MAST4: variants seen among roughly 807,000 people sequenced by gnomAD.
The protein encoded by MAST4 is microtubule associated serine/threonine kinase family member 4, also known as microtubule-associated serine/threonine-protein kinase 4.
MAST4 carries 89 observed loss-of-function variants against 162.7 expected under a neutral mutation model. That is an observed-to-expected ratio of 0.55 (90% CI 0.46 to 0.65). MAST4 has a LOEUF of 0.65. Ranked by LOEUF, MAST4 falls within the 30% of genes least tolerant of loss-of-function variation. The probability of loss-of-function intolerance (pLI) is 0.00; values close to 1 mark genes in which losing one functional copy is unlikely to be tolerated. For missense variants in MAST4, 3,153 were observed against 3,374.0 expected (o/e 0.93, Z 1.62); for synonymous variants, 1,479 against 1,361.1 (o/e 1.09, Z -1.91).
At chr5:66,599,025 A>G (rs1742383270) in intron 1 of MAST4, among the ~76,000 whole-genome samples, 1 of 152,228 alleles carries the variant, frequency 6.6e-6, no homozygotes, top group African/African-American at 2.4e-5. Context: ...GTGTAAACTG[A>G]TACAGTATTG....
Position 66,975,913 on chromosome 5 carries a change from T to G in MAST4, c.674+75931T>G, listed in dbSNP as rs548382871. ...AGGAGACTGAGGCATGAAAATTGCT[T>G]GAACCCAGGAGGCAGATGAGGTTGC... On this transcript the variant is annotated intron_variant, in intron 4 of 28. Transcript: ENST00000403625. 5.9e-5 allele frequency among the ~76,000 whole-genome samples: 9 copies of G among 152,214 alleles called. No homozygotes were observed. In the South Asian group the frequency reaches 1.9e-3, roughly 32 times the overall value.
At chr5:67,016,545 G>A (rs968984086) in intron 4 of MAST4, among the ~76,000 whole-genome samples, 2 of 152,076 alleles carry the variant, frequency 1.3e-5, no homozygotes, top group Non-Finnish European at 2.9e-5. Flanking sequence ...AATAGAAGTA[G>A]GTTTTACTTT....
intron 1 of MAST4, among the ~76,000 whole-genome samples, chr5:66,750,962 C>G (rs1753117117): frequency 6.6e-6 from 1 of 152,240 alleles, no homozygotes. Flanking sequence ...AACAGGCAGA[C>G]TGCCTTCTCA....
intron 14 of MAST4, among the ~76,000 whole-genome samples, chr5:67,125,841 A>G (rs927034384): frequency 2.4e-4 from 36 of 152,148 alleles, no homozygotes; most frequent in African/African-American, 8.5e-4. Context: ...GTCTTTCACA[A>G]TGGTTGAACT....
intron 4 of MAST4, among the ~76,000 whole-genome samples, chr5:66,908,451 G>C (rs549302194): frequency 4.6e-5 from 7 of 152,188 alleles, no homozygotes; most frequent in African/African-American, 1.7e-4. Flanking sequence ...TAAGGTAGAG[G>C]CTTGAGTACT....
chr5:67,164,815 C>G lies in MAST4; in HGVS notation c.5636C>G (p.Pro1879Arg), dbSNP rs775663659. The G allele has an allele frequency of 3.1e-6, 5 of 1,614,024 alleles. No individual in the cohort carries two copies. The East Asian group carries it at 1.1e-4, about 36-fold the overall frequency. ...CTGCTGGAGCCTTGGTTCCTGCCCC[C>G]CAGCCGAGGTCTCCAGAATTCACCA... Reference protein sequence around the residue: ...SYLLEPWFLPPSRGLQNSPAV... With the variant: ...SYLLEPWFLPRSRGLQNSPAV... The change falls in exon 29 of 29, where the codon CCC becomes CGC. Residue 1879 changes from proline (P) to arginine (R), a missense_variant. Physicochemically the swap from Pro to Arg is moderately radical, Grantham distance 103 (BLOSUM62 -2). This residue lies in a region of MAST4 where 1,644 missense variants were observed against 1,495.0 expected (regional missense o/e 1.10). Coordinates refer to ENST00000403625, the MANE Select transcript of MAST4 (RefSeq NM_001164664.2). The surrounding 1 kb of genome is among the most constrained non-coding windows in gnomAD (Gnocchi z 5.3).
intron 4 of MAST4, chr5:67,004,044 T>G (rs545900943): frequency 6.6e-6 from 1 of 152,346 alleles, no homozygotes; most frequent in Non-Finnish European, 1.5e-5. Context: ...CTGCCATCCC[T>G]CCCGCGGTGA....
At chr5:66,933,083 T>C (rs1283033862) in intron 4 of MAST4, among the ~76,000 whole-genome samples, 1 of 152,228 alleles carries the variant, frequency 6.6e-6, no homozygotes, top group Non-Finnish European at 1.5e-5. Flanking sequence ...TTCAACACCT[T>C]ACTTTTGCAT....
chr5:66,912,540 G>C (rs1365003930), intron 4 of MAST4, among the ~76,000 whole-genome samples: 1 of 152,166 alleles, frequency 6.6e-6, no homozygotes, highest in Non-Finnish European at 1.5e-5. Flanking sequence ...TAATAGATCA[G>C]TACACAGTTT....
Position 67,152,832 on chromosome 5 carries a change from A to G in MAST4, c.3491A>G (p.Asp1164Gly), listed in dbSNP as rs1772005164. ...TIRAIRVYVG[D>G]SDIYTVHHIV... Reference sequence around the variant, plus strand: ...CGAGCCATCCGGGTGTATGTGGGAGACAGTGACATCTATACAGTGCACCAT... The same window carrying G: ...CGAGCCATCCGGGTGTATGTGGGAGGCAGTGACATCTATACAGTGCACCAT... Residue 1164 changes from aspartate (D) to glycine (G), a missense_variant, in exon 25 of 29, where the codon GAC (aspartate) becomes GGC (glycine). Asp to Gly is a moderately conservative substitution (Grantham distance 94, BLOSUM62 -1). Transcript: ENST00000403625. 2 of 1,613,982 alleles carry G rather than the reference A, an allele frequency of 1.2e-6. No individual in the cohort carries two copies. The highest frequency in any genetic ancestry group is 2.2e-5 in the East Asian group (1 of 44,884).
chr5:66,621,783 T>G (rs1264952266), intron 1 of MAST4, among the ~76,000 whole-genome samples: 1 of 152,090 alleles, frequency 6.6e-6, no homozygotes, highest in African/African-American at 2.4e-5. Flanking sequence ...CCTGGTCTCA[T>G]GGGGTTTATA....
chr5:67,054,561 C>A, intron 5 of MAST4, 69 bp downstream of exon 5: 1 of 1,346,074 alleles, frequency 7.4e-7, no homozygotes, highest in Non-Finnish European at 1.0e-6. Context: ...ATAATTAATG[C>A]ATTTTGATAT....
At chr5:66,611,831 A>C (rs1743308819) in intron 1 of MAST4, among the ~76,000 whole-genome samples, 1 of 152,248 alleles carries the variant, frequency 6.6e-6, no homozygotes. Flanking sequence ...GAAGGTGTAT[A>C]TTTAATTACT....
At chr5:66,657,289 G>A (rs1451484438) in intron 1 of MAST4, among the ~76,000 whole-genome samples, 1 of 152,124 alleles carries the variant, frequency 6.6e-6, no homozygotes, top group Non-Finnish European at 1.5e-5. Context: ...ATAAAAATTA[G>A]CATTGTTTTA....
chr5:66,620,508 T>A (rs1030376674), intron 1 of MAST4, among the ~76,000 whole-genome samples: 1 of 151,862 alleles, frequency 6.6e-6, no homozygotes, highest in African/African-American at 2.4e-5. Flanking sequence ...TGATAGCCTT[T>A]AAAAAAAACA....
intron 5 of MAST4, among the ~76,000 whole-genome samples, chr5:67,076,801 C>T (rs1222637761): frequency 2.0e-5 from 3 of 152,128 alleles, no homozygotes; most frequent in Admixed American, 6.5e-5. Flanking sequence ...TCATGACATA[C>T]GGGAGTATAG....
At chr5:67,155,967 G>C (rs764767737) in intron 26 of MAST4, among the ~76,000 whole-genome samples, 28 of 151,476 alleles carry the variant, frequency 1.8e-4, no homozygotes, top group Non-Finnish European at 2.7e-4. Flanking sequence ...GGCTGAGACA[G>C]AGAATTTCTT....
At chr5:67,041,385 T>C (rs1386071707) in intron 4 of MAST4, among the ~76,000 whole-genome samples, 1 of 152,222 alleles carries the variant, frequency 6.6e-6, no homozygotes, top group African/African-American at 2.4e-5. Context: ...AATGTTTACA[T>C]TTACCATCAA....
chr5:66,868,491 C>CTT (rs59614413), intron 3 of MAST4, among the ~76,000 whole-genome samples: 40,211 of 135,496 alleles, frequency 0.3, 5,993 homozygotes, highest in African/African-American at 0.37. Context: ...CCATCACAAA[C>CTT]TTTTTTTTTT....
Sources: gnomAD v4.1 joint callset for allele counts (sites outside exome capture counted in the v4.1 genomes callset) on GRCh38, gnomAD v4.1.1 for gene constraint, gnomAD v4.1.1 regional missense constraint, Gnocchi (gnomAD v3.1) non-coding constraint, MANE v1.5 for transcripts, NCBI Gene and HGNC (gene_info 2026-07-23, HGNC 2026-07-21) for gene names.